The following PCDHA5 variants were observed in gnomAD, a reference collection of about 807,000 sequenced individuals.
PCDHA5 encodes the protein protocadherin alpha-5.
Under a neutral mutation model 61.6 loss-of-function variants are expected in PCDHA5, and 43 were observed. The observed-to-expected ratio is 0.70, with a 90% confidence interval of 0.55 to 0.90. PCDHA5 has a LOEUF of 0.90. Among genes scored for constraint, PCDHA5 ranks in the 40% least tolerant of loss-of-function variants. The probability of loss-of-function intolerance (pLI) is 0.00; values close to 1 mark genes in which losing one functional copy is unlikely to be tolerated. For synonymous variants in PCDHA5, 627 were observed against 543.9 expected, an observed-to-expected ratio of 1.15 and a Z score of -2.13; for missense variants, 1,298 against 1,222.7, an observed-to-expected ratio of 1.06 and a Z score of -0.92.
intron 1 of PCDHA5, among the ~76,000 whole-genome samples, chr5:140,906,797 A>G (rs2072940556): frequency 6.6e-6 from 1 of 151,964 alleles, no homozygotes; most frequent in African/African-American, 2.4e-5. Context: ...TTCCATGCAT[A>G]CTCTTCCTTA....
intron 1 of PCDHA5, chr5:140,859,530 T>G (rs535138857): frequency 5.6e-4 from 108 of 191,500 alleles, no homozygotes; most frequent in Non-Finnish European, 9.8e-4. Context: ...TAAAAAAAAT[T>G]TATTAATTCT....
chr5:140,823,546 G>T lies in PCDHA5; in HGVS notation c.1771G>T (p.Ala591Ser), dbSNP rs1264438585. Reference sequence around the variant, plus strand: ...GTCAGTGGGTGCGGGCCACGTGGTGGCGAAGGTGCGCGCAGTGGACCCTGA... The same window carrying T: ...GTCAGTGGGTGCGGGCCACGTGGTGTCGAAGGTGCGCGCAGTGGACCCTGA... Reference protein sequence around the residue: ...PRSVGAGHVVAKVRAVDPDSG... With the variant: ...PRSVGAGHVVSKVRAVDPDSG... Residue 591 changes from alanine (A) to serine (S), a missense_variant, in exon 1 of 4, where the codon GCG (alanine) becomes TCG (serine). By Grantham distance (99) the Ala-to-Ser change is moderately conservative (BLOSUM62 1). Transcript: ENST00000529859. 6.2e-7 allele frequency: 1 copy of T among 1,613,754 alleles called. No individual in the cohort carries two copies. Among genetic ancestry groups the T allele is most frequent in the Non-Finnish European group, 8.5e-7 (1 of 1,179,898 alleles).
chr5:140,864,279 T>C (rs1554158753), intron 1 of PCDHA5: 1 of 152,238 alleles, frequency 6.6e-6, no homozygotes, highest in African/African-American at 2.4e-5. Context: ...CCATTCCTTA[T>C]TGTTTTTATG....
At chr5:140,926,911 G>A (rs1248832475) in intron 1 of PCDHA5, 4 of 1,561,318 alleles carry the variant, frequency 2.6e-6, no homozygotes, top group Non-Finnish European at 3.5e-6. Flanking sequence ...CTGTGGGGTG[G>A]CAGTTTTATG....
intron 1 of PCDHA5, chr5:140,857,828 C>A (rs781917564): frequency 2.5e-6 from 4 of 1,597,660 alleles, no homozygotes; most frequent in African/African-American, 1.3e-5. Flanking sequence ...GGCTAAGGTG[C>A]GCGCAGTGGA....
At chr5:141,000,398 T>TAA in intron 3 of PCDHA5, among the ~76,000 whole-genome samples, 1 of 55,032 alleles carries the variant, frequency 1.8e-5, no homozygotes, top group African/African-American at 7.5e-5. Flanking sequence ...TCTCTCTCTA[T>TAA]ATATATATAT....
intron 1 of PCDHA5, chr5:140,841,263 GT>G (rs1777118084): frequency 6.6e-7 from 1 of 1,521,614 alleles, no homozygotes; most frequent in African/African-American, 1.4e-5. Flanking sequence ...GACTCTGAAA[GT>G]ACAGTCGTTC....
chr5:140,882,116 GTTTC>G (rs1420968771), intron 1 of PCDHA5: 4 of 1,427,956 alleles, frequency 2.8e-6, no homozygotes, highest in South Asian at 1.4e-5. Flanking sequence ...GAAAGCCGCC[GTTTC>G]TTTCTTCCTG....
rs1554140048 is a variant in PCDHA5, at chr5:140,843,414, T to G, written c.2352+19287T>G. 6 of 1,596,080 alleles carry G rather than the reference T, an allele frequency of 3.8e-6. 1 individual carries two copies. Among genetic ancestry groups the G allele is most frequent in the South Asian group, 1.1e-5 (1 of 90,504 alleles). On this transcript the variant is annotated intron_variant, in intron 1 of 3. Coordinates refer to ENST00000529859, the MANE Select transcript of PCDHA5 (RefSeq NM_018908.3). The stretch of plus-strand genomic sequence containing the variant: ...GAAGCGGCGCTGGTGGATGTCAACG[T>G]GTACCTGATCATCGCCATCTGCGCG...
At position 140,828,267 on chromosome 5, in the gene PCDHA5, T is replaced by C. The variant is rs2150153311; in HGVS notation, c.2352+4140T>C. The C allele has an allele frequency of 5.0e-6, 8 of 1,613,938 alleles. No individual in the cohort carries two copies. The South Asian group carries it at 8.8e-5, about 18-fold the overall frequency. ...GACCTGGGGCTGGAGCTGGCGGAGC[T>C]GGTGCCGCGCCTGTTCAGGATGGCC... On this transcript the variant is annotated intron_variant, in intron 1 of 3. Transcript: ENST00000529859.
At chr5:140,962,076 G>A (rs2095654806) in intron 1 of PCDHA5, among the ~76,000 whole-genome samples, 1 of 151,758 alleles carries the variant, frequency 6.6e-6, no homozygotes. Flanking sequence ...TAGTAGAGAC[G>A]GGGTTTCACC....
At chr5:140,940,080 T>C (rs1213223425) in intron 1 of PCDHA5, among the ~76,000 whole-genome samples, 3 of 152,248 alleles carry the variant, frequency 2.0e-5, no homozygotes, top group African/African-American at 7.2e-5. Flanking sequence ...GATATCTTTC[T>C]GCTAAATTGA....
rs2150112060 is a variant in PCDHA5, at chr5:140,821,924, A to T, written c.149A>T (p.Asp50Val). The change falls in exon 1 of 4, where the codon GAC becomes GTC. Residue 50 changes from aspartate (D) to valine (V), a missense_variant. Transcript: ENST00000529859. ...ACCTTCGTTGGCCGCATCGCGCAGG[A>T]CCTAGGGCTGGAGCTGGCGGAGCTG... The part of the protein sequence containing the change: ...HGTFVGRIAQ[D>V]LGLELAELVP... 7 of 1,614,172 alleles carry T rather than the reference A, an allele frequency of 4.3e-6. No individual in the cohort carries two copies. In the Admixed American group the frequency reaches 1.2e-4, roughly 27 times the overall value.
intron 1 of PCDHA5, chr5:140,882,688 A>G: frequency 1.2e-6 from 2 of 1,614,196 alleles, no homozygotes; most frequent in Non-Finnish European, 8.5e-7. Flanking sequence ...AGAAACGAAT[A>G]ATCATTGCAG....
At chr5:140,906,494 G>C (rs1327823813) in intron 1 of PCDHA5, among the ~76,000 whole-genome samples, 4 of 152,196 alleles carry the variant, frequency 2.6e-5, no homozygotes, top group African/African-American at 9.7e-5. Context: ...GCACAAACAT[G>C]TTTTTAACAA....
chr5:140,829,708 C>G, intron 1 of PCDHA5: 1 of 1,613,376 alleles, frequency 6.2e-7, no homozygotes, highest in South Asian at 1.1e-5. Context: ...GCGCGCGCGA[C>G]GCGGGCGTGC....
Position 140,910,016 on chromosome 5 carries a change from G to C in PCDHA5, c.2353-68933G>C, listed in dbSNP as rs375687025. Among the ~76,000 whole-genome samples the C allele has an allele frequency of 3.5e-4, 54 of 152,290 alleles. No individual in the cohort carries two copies. The South Asian group carries it at 0.011, about 32-fold the overall frequency. ...ATAAATTGTTGTCAGTGTCATCCTT[G>C]TATCCCTGGGATAAATCCCACTTGG... On this transcript the variant is annotated intron_variant, in intron 1 of 3. Coordinates refer to ENST00000529859, the MANE Select transcript of PCDHA5 (RefSeq NM_018908.3).
intron 1 of PCDHA5, chr5:140,847,378 T>C (rs2150399722): frequency 6.7e-6 from 1 of 149,708 alleles, no homozygotes; most frequent in East Asian, 1.9e-4. Context: ...AAAAGATAAA[T>C]ATGCAAAAAC....
chr5:140,897,345 C>A (rs1291203410), intron 1 of PCDHA5, among the ~76,000 whole-genome samples: 2 of 126,562 alleles, frequency 1.6e-5, no homozygotes, highest in African/African-American at 6.0e-5. Flanking sequence ...CCCCCCACCC[C>A]ACAACTGTCC....
Sources: gnomAD v4.1 joint callset for allele counts (sites outside exome capture counted in the v4.1 genomes callset) on GRCh38, gnomAD v4.1.1 for gene constraint, MANE v1.5 for transcripts, NCBI Gene and HGNC (gene_info 2026-07-23, HGNC 2026-07-21) for gene names.